ADGRV1: variants seen among roughly 807,000 people sequenced by gnomAD.
ADGRV1 encodes the protein G-protein coupled receptor 98.
A neutral mutation model predicts 596.2 loss-of-function variants in ADGRV1; 359 were observed. The observed-to-expected ratio is 0.60, with a 90% CI of 0.55 to 0.66. ADGRV1 has a LOEUF of 0.66. Ranked by LOEUF, ADGRV1 falls within the 30% of genes least tolerant of loss-of-function variation. The pLI, the probability that ADGRV1 is intolerant of heterozygous loss-of-function variation, is 0.00. For missense variants in ADGRV1, 7,274 were observed against 7,575.6 expected (o/e 0.96, Z 1.48); for synonymous variants, 2,681 against 2,679.2 (o/e 1.00, Z -0.02).
chr5:90,829,772 C>G (rs935408979), intron 77 of ADGRV1, among the ~76,000 whole-genome samples: 1 of 152,052 alleles, frequency 6.6e-6, no homozygotes, highest in African/African-American at 2.4e-5. Context: ...TACCTTTCAG[C>G]CTTATTTTTT....
At chr5:90,608,355 T>G (rs1287286679) in intron 1 of ADGRV1, among the ~76,000 whole-genome samples, 2 of 152,190 alleles carry the variant, frequency 1.3e-5, no homozygotes, top group East Asian at 3.9e-4. Flanking sequence ...AAGAATAAAC[T>G]AATTCCAAGA....
intron 83 of ADGRV1, among the ~76,000 whole-genome samples, chr5:90,939,789 C>A (rs568072080): frequency 6.6e-6 from 1 of 151,968 alleles, no homozygotes; most frequent in Non-Finnish European, 1.5e-5. Flanking sequence ...ACTTTCTTGT[C>A]CTACTCTTAT....
In ADGRV1 at chr5:90,863,792, G is replaced by T. The variant is rs778423587; in HGVS notation, c.17791G>T (p.Ala5931Ser). 6.2e-7 allele frequency: 1 copy of T among 1,613,450 alleles called. No homozygotes were observed. Among genetic ancestry groups the T allele is most frequent in the Non-Finnish European group, 8.5e-7 (1 of 1,179,550 alleles). ...CLAVLSHIFC[A>S]RYSMFAAKLL... is the part of the protein sequence containing the mutation. ...GGCTGTTCTTTCCCATATCTTCTGTGCCAGGTACTCCATGTTTGCAGCTAA... is the reference window on the plus strand; with the variant it reads ...GGCTGTTCTTTCCCATATCTTCTGTTCCAGGTACTCCATGTTTGCAGCTAA... Residue 5931 changes from alanine (A) to serine (S), a missense_variant, in exon 83 of 90, where the codon GCC becomes TCC. By Grantham distance (99) the Ala-to-Ser change is moderately conservative (BLOSUM62 1). Coordinates refer to ENST00000405460, the MANE Select transcript of ADGRV1 (RefSeq NM_032119.4).
At chr5:90,989,839 G>A (rs1382583029) in intron 85 of ADGRV1, among the ~76,000 whole-genome samples, 4 of 151,760 alleles carry the variant, frequency 2.6e-5, no homozygotes, top group Non-Finnish European at 5.9e-5. Context: ...TTTTTGAGAC[G>A]GAATTTCACT....
chr5:90,856,785 T>A (rs1476734980), intron 82 of ADGRV1, among the ~76,000 whole-genome samples: 3 of 152,212 alleles, frequency 2.0e-5, no homozygotes, highest in Non-Finnish European at 4.4e-5. Flanking sequence ...TACTTCATTT[T>A]TCCCACCCAT....
intron 85 of ADGRV1, among the ~76,000 whole-genome samples, chr5:91,053,092 G>T (rs1010272582): frequency 1.0e-3 from 153 of 152,198 alleles, no homozygotes; most frequent in African/African-American, 3.5e-3. Context: ...ATTTTCATTG[G>T]GTTGAAGGGA....
intron 50 of ADGRV1, among the ~76,000 whole-genome samples, chr5:90,731,756 T>C (rs976383360): frequency 6.6e-6 from 1 of 152,178 alleles, no homozygotes; most frequent in African/African-American, 2.4e-5. Context: ...CCAGCAGTTT[T>C]CACACATTTT....
intron 87 of ADGRV1, among the ~76,000 whole-genome samples, chr5:91,141,610 A>G (rs1375144771): frequency 6.6e-6 from 1 of 152,238 alleles, no homozygotes; most frequent in East Asian, 1.9e-4. Context: ...AGATGAAGCA[A>G]TTAGAGATTA....
intron 76 of ADGRV1, among the ~76,000 whole-genome samples, chr5:90,825,504 T>C (rs922505590): frequency 6.6e-6 from 1 of 152,228 alleles, no homozygotes; most frequent in Admixed American, 6.5e-5. Context: ...AATATTATAT[T>C]GTGCATTTTA....
chr5:90,650,621 C>G (rs886281967), intron 17 of ADGRV1, among the ~76,000 whole-genome samples: 1 of 152,120 alleles, frequency 6.6e-6, no homozygotes, highest in Non-Finnish European at 1.5e-5. Context: ...TAAATAAATT[C>G]TGCGCACCGG....
chr5:90,779,173 T>A, intron 64 of ADGRV1, 76 bp downstream of exon 64: 1 of 823,846 alleles, frequency 1.2e-6, no homozygotes, highest in Non-Finnish European at 2.0e-6. Flanking sequence ...GTGTAGAGAT[T>A]AATACTGAGC....
At chr5:91,040,592 C>T (rs1304592310) in intron 85 of ADGRV1, among the ~76,000 whole-genome samples, 1 of 152,166 alleles carries the variant, frequency 6.6e-6, no homozygotes, top group Non-Finnish European at 1.5e-5. Flanking sequence ...GTGGTATCAT[C>T]ATACATACAT....
chr5:90,626,972 G>A (rs1395916573), intron 6 of ADGRV1, among the ~76,000 whole-genome samples: 1 of 152,138 alleles, frequency 6.6e-6, no homozygotes, highest in African/African-American at 2.4e-5. Flanking sequence ...ATTATACCTG[G>A]ACTTCATTAC....
At chr5:90,765,468 CA>C (rs1757011547) in intron 59 of ADGRV1, among the ~76,000 whole-genome samples, 1 of 146,976 alleles carries the variant, frequency 6.8e-6, no homozygotes, top group African/African-American at 2.6e-5. Context: ...CACACACACA[CA>C]CAAACTCTAG....
chr5:90,822,845 A>G (rs1763705318), intron 75 of ADGRV1, among the ~76,000 whole-genome samples: 1 of 152,142 alleles, frequency 6.6e-6, no homozygotes, highest in African/African-American at 2.4e-5. Context: ...GGTCCTTCAC[A>G]TCCCTTGTAA....
At chr5:90,695,053 C>A (rs1413493844) in intron 33 of ADGRV1, among the ~76,000 whole-genome samples, 1 of 152,232 alleles carries the variant, frequency 6.6e-6, no homozygotes, top group Admixed American at 6.5e-5. Flanking sequence ...CATGTACTTA[C>A]AACCATACAT....
At chr5:91,049,786 T>A (rs748853401) in intron 85 of ADGRV1, among the ~76,000 whole-genome samples, 15 of 152,120 alleles carry the variant, frequency 9.9e-5, no homozygotes, top group Non-Finnish European at 1.9e-4. Context: ...AGAAACAAAC[T>A]GGTTGTAAGC....
At chr5:90,582,050 T>C (rs1030700709) in intron 1 of ADGRV1, among the ~76,000 whole-genome samples, 2 of 152,138 alleles carry the variant, frequency 1.3e-5, no homozygotes, top group African/African-American at 4.8e-5. Flanking sequence ...AAGAGTGTAC[T>C]TGGTATATGA....
chr5:90,614,155 GA>G (rs11286344), intron 1 of ADGRV1: 80,078 of 256,388 alleles, frequency 0.31, 5,715 homozygotes, highest in African/African-American at 0.39. Flanking sequence ...ATATCATAGT[GA>G]AAAAAAAAAA....
Sources: gnomAD v4.1 joint callset for allele counts (sites outside exome capture counted in the v4.1 genomes callset) on GRCh38, gnomAD v4.1.1 for gene constraint, MANE v1.5 for transcripts, NCBI Gene and HGNC (gene_info 2026-07-23, HGNC 2026-07-21) for gene names.